Variants in SP1 observed in about 807,000 individuals in gnomAD.
SP1 encodes transcription factor Sp1.
SP1 carries 6 observed loss-of-function variants against 66.3 expected under a neutral mutation model. The observed-to-expected ratio is 0.09, with a 90% confidence interval of 0.05 to 0.18. The LOEUF (loss-of-function observed/expected upper bound fraction) is 0.18, where lower values mean the gene tolerates loss of function less well. SP1 is among the 10% of genes least tolerant of loss of function. The pLI is 1.00. For synonymous variants in SP1, 417 were observed against 360.8 expected (o/e 1.16, Z -1.77); for missense variants, 848 against 964.5 (o/e 0.88, Z 1.60).
At position 53,411,384 on chromosome 12, in the gene SP1, G is replaced by A. The variant is rs1321241611; in HGVS notation, c.*144G>A. 1 of 651,514 alleles carries A rather than the reference G, an allele frequency of 1.5e-6. No individual in the cohort carries two copies. The highest frequency in any genetic ancestry group is 1.8e-5 in the African/African-American group (1 of 55,038). The allele number at this position is 651,514 out of a possible 1,614,324, so 40.4% of individuals were successfully genotyped here. A position where few individuals can be genotyped will look rare whatever the true frequency, so the allele number is the denominator to read the frequency against. ...GAGAAGAATCAGGAGAGGGATACAA[G>A]AGAGGAGATGGGGTCCCGGCACCCA... On this transcript the variant is annotated 3_prime_UTR_variant, in exon 6 of 6. Transcript: ENST00000327443.
Position 53,383,638 on chromosome 12 carries a change from T to C in SP1, c.1675+16T>C, listed in dbSNP as rs772844444. 2.8e-5 allele frequency: 44 copies of C among 1,582,266 alleles called. No homozygotes were observed. The East Asian group carries it at 9.9e-4, about 35-fold the overall frequency. On this transcript the variant is annotated intron_variant, in intron 3 of 5. Coordinates refer to ENST00000327443, the MANE Select transcript of SP1 (RefSeq NM_138473.3). ...AATGCCCCAGGTAAGATTTCCAATC[T>C]TGTGCATTTATTGGGAACCAACTCT...
Position 53,415,825 on chromosome 12 carries a change from G to C in SP1, c.*4585G>C, listed in dbSNP as rs1938985054. 6.6e-6 allele frequency: 1 copy of C among 152,514 alleles called. No homozygotes were observed. Among genetic ancestry groups the C allele is most frequent in the Non-Finnish European group, 1.5e-5 (1 of 68,034 alleles). The allele number at this position is 152,514 out of a possible 1,614,324, so 9.4% of individuals were successfully genotyped here. Reference sequence around the variant, plus strand: ...CTCCAGTTTCCCGGTAACTGCTCTTGAACATTGTGGACAAGGGCAGGTCTT... The same window carrying C: ...CTCCAGTTTCCCGGTAACTGCTCTTCAACATTGTGGACAAGGGCAGGTCTT... On this transcript the variant is annotated 3_prime_UTR_variant, in exon 6 of 6. Transcript: ENST00000327443.
intron 4 of SP1, 145 bp downstream of exon 4, chr12:53,406,898 C>T (rs1230451174): frequency 2.5e-5 from 16 of 648,938 alleles, no homozygotes; most frequent in Admixed American, 3.0e-5. Context: ...AATCTTGGCT[C>T]ACTGCAAACT....
At chr12:53,383,705 C>A in intron 3 of SP1, 83 bp downstream of exon 3, 1 of 1,098,526 alleles carries the variant, frequency 9.1e-7, no homozygotes, top group Non-Finnish European at 1.3e-6. Context: ...AGGAATAGAG[C>A]CTTTTGAGAT....
At chr12:53,410,666 C>T (rs551993150) in intron 5 of SP1, among the ~76,000 whole-genome samples, 14 of 151,844 alleles carry the variant, frequency 9.2e-5, no homozygotes, top group Non-Finnish European at 2.9e-5. Context: ...CCACCACGCC[C>T]GGCTAATTTT....
chr12:53,410,900 C>T, intron 5 of SP1, 27 bp from the exon 6 acceptor site: 1 of 1,571,200 alleles, frequency 6.4e-7, no homozygotes, highest in Non-Finnish European at 8.7e-7. Context: ...AACATGTCAG[C>T]TTCTTATCTT....
At chr12:53,402,384 C>A (rs781588775) in intron 3 of SP1, among the ~76,000 whole-genome samples, 35 of 151,930 alleles carry the variant, frequency 2.3e-4, no homozygotes, top group Non-Finnish European at 4.4e-4. Flanking sequence ...CCACCATGCC[C>A]GGCTAATTTT....
chr12:53,414,812 T>TA lies in SP1; in HGVS notation c.*3573dup, dbSNP rs1184178721. 6.6e-6 allele frequency: 1 copy of TA among 152,652 alleles called. No homozygotes were observed. The highest frequency in any genetic ancestry group is 2.4e-5 in the African/African-American group (1 of 41,464). The allele number at this position is 152,652 out of a possible 1,614,324, so 9.5% of individuals were successfully genotyped here. On this transcript the variant is annotated 3_prime_UTR_variant, in exon 6 of 6. Coordinates refer to ENST00000327443, the MANE Select transcript of SP1 (RefSeq NM_138473.3). ...GTGCTAATCAGGCCCCTGTTATGCT[T>TA]AGGGGGAGCCCTGGTGCTACTTGCT...
At chr12:53,395,979 G>A (rs141121886) in intron 3 of SP1, among the ~76,000 whole-genome samples, 5,580 of 152,176 alleles carry the variant, frequency 0.037, 233 homozygotes, top group East Asian at 0.13. Flanking sequence ...AATTAGCTGG[G>A]TGTGCTGGCG....
At chr12:53,381,598 C>T in intron 1 of SP1, 61 bp from the exon 2 acceptor site, 1 of 1,462,730 alleles carries the variant, frequency 6.8e-7, no homozygotes, top group East Asian at 2.3e-5. Flanking sequence ...TCCTTTTATC[C>T]TTCCTACTTC....
At chr12:53,388,673 C>A (rs921850127) in intron 3 of SP1, among the ~76,000 whole-genome samples, 1 of 152,070 alleles carries the variant, frequency 6.6e-6, no homozygotes, top group African/African-American at 2.4e-5. Flanking sequence ...CTTTTGCCTT[C>A]CTGCTGGCAA....
At chr12:53,397,589 CTTT>C (rs764088852) in intron 3 of SP1, among the ~76,000 whole-genome samples, 2 of 74,226 alleles carry the variant, frequency 2.7e-5, no homozygotes, top group African/African-American at 5.1e-5. Flanking sequence ...CTTTTTTTTT[CTTT>C]TTTTTTTTTT....
chr12:53,381,525 A>G, intron 1 of SP1, 134 bp from the exon 2 acceptor site: 2 of 737,688 alleles, frequency 2.7e-6, no homozygotes, highest in South Asian at 4.1e-5. Flanking sequence ...CTGCCCTCCA[A>G]TCCATTTTCT....
intron 3 of SP1, among the ~76,000 whole-genome samples, chr12:53,396,048 A>G (rs1938481364): frequency 6.6e-6 from 1 of 152,118 alleles, no homozygotes; most frequent in Non-Finnish European, 1.5e-5. Context: ...TGAACCTGGA[A>G]AGTGGAGGTT....
intron 3 of SP1, among the ~76,000 whole-genome samples, chr12:53,398,012 C>G (rs1938528467): frequency 6.6e-6 from 1 of 151,926 alleles, no homozygotes; most frequent in South Asian, 2.1e-4. Flanking sequence ...GATGAACTTC[C>G]TTACTTTAAT....
intron 3 of SP1, among the ~76,000 whole-genome samples, chr12:53,392,863 C>T (rs1033429258): frequency 6.0e-5 from 9 of 150,982 alleles, no homozygotes; most frequent in South Asian, 2.1e-4. Context: ...CTCTCTCTGT[C>T]GCCCAGGCTG....
chr12:53,394,075 C>G (rs1388596007), intron 3 of SP1, among the ~76,000 whole-genome samples: 1 of 151,812 alleles, frequency 6.6e-6, no homozygotes, highest in Non-Finnish European at 1.5e-5. Flanking sequence ...ATTAGCCCGG[C>G]GTGGTGATGC....
chr12:53,408,645 G>A (rs994523088), intron 4 of SP1, among the ~76,000 whole-genome samples: 4 of 150,388 alleles, frequency 2.7e-5, no homozygotes, highest in South Asian at 2.2e-4. Flanking sequence ...GGTGGCTCAC[G>A]CCTGTAATCC....
chr12:53,414,301 T>G lies in SP1; in HGVS notation c.*3061T>G, dbSNP rs1938953408. On this transcript the variant is annotated 3_prime_UTR_variant, in exon 6 of 6. Coordinates refer to ENST00000327443, the MANE Select transcript of SP1 (RefSeq NM_138473.3). ...TCCCTCATCCTTTCAGGTTTTCAGG[T>G]TGCCCATTTATATTCATTTACATGT... The G allele has an allele frequency of 6.6e-6, 1 of 152,646 alleles. No homozygotes were observed. Among genetic ancestry groups the G allele is most frequent in the Non-Finnish European group, 1.5e-5 (1 of 68,036 alleles). 9.5% of individuals were successfully genotyped at this position (152,646 alleles called of 1,614,324 possible).
Sources: allele counts gnomAD v4.1 joint callset (sites outside exome capture counted in the v4.1 genomes callset), GRCh38; gene constraint gnomAD v4.1.1; transcripts MANE v1.5; gene names NCBI Gene and HGNC (gene_info 2026-07-23, HGNC 2026-07-21).